The following PLXNA4 variants were observed in gnomAD, a reference collection of about 807,000 sequenced individuals.
PLXNA4 encodes the protein plexin A4, also known as plexin-A4.
Under a neutral mutation model 191.8 loss-of-function variants are expected in PLXNA4, and 44 were observed. The observed-to-expected ratio is 0.23, with a 90% CI of 0.18 to 0.29. The LOEUF (loss-of-function observed/expected upper bound fraction) is 0.29. Ranked by LOEUF, PLXNA4 falls within the 10% of genes least tolerant of loss-of-function variation. The pLI, the probability that PLXNA4 is intolerant of heterozygous loss-of-function variation, is 1.00. For missense variants in PLXNA4, 1,800 were observed against 2,488.8 expected, an observed-to-expected ratio of 0.72 and a Z score of 5.89; for synonymous variants, 1,082 against 1,009.5, an observed-to-expected ratio of 1.07 and a Z score of -1.36.
chr7:132,450,124 T>G (rs927235089), intron 3 of PLXNA4, among the ~76,000 whole-genome samples: 1 of 152,160 alleles, frequency 6.6e-6, no homozygotes, highest in African/African-American at 2.4e-5. Context: ...CACACTGATA[T>G]CCACAGAGGC....
intron 3 of PLXNA4, among the ~76,000 whole-genome samples, chr7:132,426,702 G>A (rs1371046381): frequency 6.6e-6 from 1 of 152,068 alleles, no homozygotes; most frequent in Admixed American, 6.5e-5. Flanking sequence ...GGAAAGCCCA[G>A]AACATGCATT....
Position 132,168,354 on chromosome 7 carries a change from G to T in PLXNA4, c.4236C>A (p.Leu1412=). The part of the protein sequence containing the change: ...TDVLKQLLAD[L]IDKNLESKNH... The stretch of plus-strand genomic sequence containing the variant: ...TCTTGCTCTCCAGGTTCTTGTCAAT[G>T]AGGTCGGCCAGCAGCTGCTTCAGCA... The change falls in exon 22 of 32, where the codon CTC becomes CTA. Residue 1412 remains leucine, a synonymous_variant. Coordinates refer to ENST00000321063, the MANE Select transcript of PLXNA4 (RefSeq NM_020911.2). 1 of 1,604,018 alleles carries T rather than the reference G, an allele frequency of 6.2e-7. No individual in the cohort carries two copies. The highest frequency in any genetic ancestry group is 8.5e-7 in the Non-Finnish European group (1 of 1,173,698).
At chr7:132,544,762 C>A (rs1266533767) in intron 1 of PLXNA4, among the ~76,000 whole-genome samples, 1 of 152,066 alleles carries the variant, frequency 6.6e-6, no homozygotes, top group Admixed American at 6.5e-5. Flanking sequence ...TTTTTTCCTC[C>A]CTTCCATGTG....
intron 9 of PLXNA4, among the ~76,000 whole-genome samples, chr7:132,218,364 GAA>G (rs1798036553): frequency 6.6e-6 from 1 of 152,194 alleles, no homozygotes; most frequent in Non-Finnish European, 1.5e-5. Flanking sequence ...AACTTCAAGA[GAA>G]GAGGCGTTCC....
intron 1 of PLXNA4, among the ~76,000 whole-genome samples, chr7:132,545,279 G>C (rs1053242181): frequency 6.6e-6 from 1 of 152,158 alleles, no homozygotes; most frequent in Non-Finnish European, 1.5e-5. Flanking sequence ...TGGAAGTCAA[G>C]ATGTAGGTTT....
intron 25 of PLXNA4, among the ~76,000 whole-genome samples, chr7:132,153,832 T>TAC (rs1337917914): frequency 6.6e-6 from 1 of 152,284 alleles, no homozygotes; most frequent in Non-Finnish European, 1.5e-5. Context: ...CCCACACATG[T>TAC]ACACACACAT....
chr7:132,472,672 C>A (rs1048535835), intron 3 of PLXNA4, among the ~76,000 whole-genome samples: 5 of 152,168 alleles, frequency 3.3e-5, no homozygotes, highest in African/African-American at 1.2e-4. Context: ...CAGAACAGCC[C>A]CAGGGCTCAG....
chr7:132,595,022 C>T (rs62465205), intron 2 of PLXNA4, among the ~76,000 whole-genome samples: 5,431 of 19,030 alleles, frequency 0.29, 192 homozygotes, highest in African/African-American at 0.39. Context: ...GATAGATAGA[C>T]AGACAGACAG....
At chr7:132,587,542 G>T (rs554937637) in intron 2 of PLXNA4, among the ~76,000 whole-genome samples, 8 of 152,284 alleles carry the variant, frequency 5.3e-5, no homozygotes, top group Admixed American at 3.3e-4. Flanking sequence ...GACGTTTGTT[G>T]TTCTGTATTT....
intron 3 of PLXNA4, among the ~76,000 whole-genome samples, chr7:132,483,451 T>C (rs866935863): frequency 1.3e-5 from 2 of 152,244 alleles, no homozygotes; most frequent in Non-Finnish European, 2.9e-5. Context: ...CTTGGTTACA[T>C]GGCCAGACTC....
intron 4 of PLXNA4, among the ~76,000 whole-genome samples, chr7:132,283,186 T>C (rs1292085120): frequency 6.6e-6 from 1 of 151,910 alleles, no homozygotes; most frequent in Non-Finnish European, 1.5e-5. Flanking sequence ...CCAACTTTAA[T>C]TGTGGAAGAC....
chr7:132,210,198 G>T (rs554510150), intron 10 of PLXNA4, among the ~76,000 whole-genome samples: 2 of 152,178 alleles, frequency 1.3e-5, no homozygotes, highest in African/African-American at 4.8e-5. Context: ...GCACAAAGAA[G>T]GGAGCCCAGA....
chr7:132,445,921 G>A (rs1357154719), intron 3 of PLXNA4, among the ~76,000 whole-genome samples: 1 of 152,164 alleles, frequency 6.6e-6, no homozygotes, highest in African/African-American at 2.4e-5. Flanking sequence ...AAGTTAAAGA[G>A]CAAAAACTCC....
At chr7:132,612,663 CAAAAAAAAAAA>C (rs71529768) in intron 2 of PLXNA4, among the ~76,000 whole-genome samples, 10 of 68,408 alleles carry the variant, frequency 1.5e-4, no homozygotes, top group Middle Eastern at 6.7e-3. Flanking sequence ...GTCTCCATCT[CAAAAAAAAAAA>C]AAAAAAAAAA....
At chr7:132,491,695 G>C (rs1217939598) in intron 2 of PLXNA4, among the ~76,000 whole-genome samples, 1 of 151,838 alleles carries the variant, frequency 6.6e-6, no homozygotes. Context: ...AATCCCGCCA[G>C]AGGCAGGCAG....
chr7:132,247,621 G>C (rs773998551), intron 4 of PLXNA4, among the ~76,000 whole-genome samples: 1 of 152,128 alleles, frequency 6.6e-6, no homozygotes, highest in African/African-American at 2.4e-5. Flanking sequence ...GCATGGTCTT[G>C]GGGAGCTCCT....
intron 3 of PLXNA4, among the ~76,000 whole-genome samples, chr7:132,396,273 T>C (rs908859262): frequency 7.2e-5 from 11 of 152,188 alleles, no homozygotes; most frequent in African/African-American, 2.7e-4. Flanking sequence ...GCAGGTTCCC[T>C]AGGTATCTAT....
At chr7:132,570,077 T>C (rs1187000906) in intron 1 of PLXNA4, among the ~76,000 whole-genome samples, 1 of 152,216 alleles carries the variant, frequency 6.6e-6, no homozygotes, top group Non-Finnish European at 1.5e-5. Context: ...TGTGAGTGTA[T>C]TAAAGGCTCT....
chr7:132,234,201 C>T (rs1238321079), intron 5 of PLXNA4, among the ~76,000 whole-genome samples: 1 of 152,200 alleles, frequency 6.6e-6, no homozygotes, highest in Non-Finnish European at 1.5e-5. Flanking sequence ...AGAATGCTGC[C>T]TATTACCTGA....
Sources: gnomAD v4.1 joint callset for allele counts (sites outside exome capture counted in the v4.1 genomes callset) on GRCh38, gnomAD v4.1.1 for gene constraint, MANE v1.5 for transcripts, NCBI Gene and HGNC (gene_info 2026-07-23, HGNC 2026-07-21) for gene names.